GRIP1: variants seen among roughly 807,000 people sequenced by gnomAD.
GRIP1 encodes the protein glutamate receptor interacting protein 1.
A neutral mutation model predicts 129.9 loss-of-function variants in GRIP1; 45 were observed. That is an observed-to-expected ratio of 0.35 (90% confidence interval 0.27 to 0.44). The LOEUF is 0.44. Ranked by LOEUF, GRIP1 falls within the 20% of genes least tolerant of loss-of-function variation. The pLI, the probability that GRIP1 is intolerant of heterozygous loss-of-function variation, is 1.00. For missense variants in GRIP1, 1,196 were observed against 1,396.8 expected, an observed-to-expected ratio of 0.86 and a Z score of 2.29; for synonymous variants, 530 against 520.8, an observed-to-expected ratio of 1.02 and a Z score of -0.24.
At chr12:66,472,170 T>G (rs1461640126) in intron 7 of GRIP1, among the ~76,000 whole-genome samples, 1 of 152,340 alleles carries the variant, frequency 6.6e-6, no homozygotes. Flanking sequence ...GTCCACCTCA[T>G]AGTCCCATGG....
chr12:66,539,721 G>A (rs1319516078), intron 3 of GRIP1, among the ~76,000 whole-genome samples: 1 of 151,870 alleles, frequency 6.6e-6, no homozygotes, highest in Admixed American at 6.6e-5. Context: ...GTTTGTCCAG[G>A]ACTAAGGAAA....
chr12:66,705,472 C>T (rs1400088232), intron 1 of GRIP1, among the ~76,000 whole-genome samples: 2 of 152,088 alleles, frequency 1.3e-5, no homozygotes, highest in Non-Finnish European at 2.9e-5. Flanking sequence ...TGAAAATGGC[C>T]ATACTGCCCA....
At chr12:66,587,186 A>G (rs528597503) in intron 2 of GRIP1, among the ~76,000 whole-genome samples, 80 of 152,296 alleles carry the variant, frequency 5.3e-4, no homozygotes, top group African/African-American at 1.9e-3. Flanking sequence ...TTTATTTAAA[A>G]GCCAAGGTTT....
chr12:66,697,551 C>A (rs539714472), intron 1 of GRIP1, among the ~76,000 whole-genome samples: 79 of 152,186 alleles, frequency 5.2e-4, no homozygotes, highest in Non-Finnish European at 4.4e-4. Context: ...CAGCTCCAGA[C>A]TCACTTGGGG....
intron 3 of GRIP1, 95 bp downstream of exon 3, chr12:66,541,720 A>G (rs1357489177): frequency 1.3e-5 from 17 of 1,285,766 alleles, no homozygotes; most frequent in Non-Finnish European, 1.8e-5. Flanking sequence ...GGCAGCTGTC[A>G]TTTATTTATT....
intron 1 of GRIP1, among the ~76,000 whole-genome samples, chr12:66,779,430 G>C (rs1182774317): frequency 2.0e-5 from 3 of 152,082 alleles, no homozygotes; most frequent in African/African-American, 4.8e-5. Context: ...CATTTTATGG[G>C]GTAGATTTTA....
chr12:66,528,464 G>T (rs531178574), intron 5 of GRIP1, among the ~76,000 whole-genome samples: 2 of 152,124 alleles, frequency 1.3e-5, no homozygotes, highest in South Asian at 4.2e-4. Context: ...TGATAAGTTG[G>T]AGTCACCTGA....
chr12:66,934,540 A>G (rs1034661760), intron 1 of GRIP1, among the ~76,000 whole-genome samples: 1 of 152,226 alleles, frequency 6.6e-6, no homozygotes, highest in African/African-American at 2.4e-5. Flanking sequence ...TGCCCTTCAC[A>G]TGCCAAAGAC....
intron 1 of GRIP1, among the ~76,000 whole-genome samples, chr12:66,762,586 C>T (rs1336111939): frequency 6.6e-6 from 1 of 152,178 alleles, no homozygotes; most frequent in East Asian, 1.9e-4. Context: ...TAAACATCTG[C>T]TTAAATCCTT....
intron 1 of GRIP1, among the ~76,000 whole-genome samples, chr12:66,768,460 T>C (rs2037714528): frequency 6.6e-6 from 1 of 152,130 alleles, no homozygotes; most frequent in Non-Finnish European, 1.5e-5. Context: ...AAGACTAGAA[T>C]TGCCAATACA....
At chr12:66,828,881 C>T (rs1204502404) in intron 1 of GRIP1, among the ~76,000 whole-genome samples, 1 of 152,102 alleles carries the variant, frequency 6.6e-6, no homozygotes, top group Non-Finnish European at 1.5e-5. Context: ...TCCTGTAATG[C>T]CTCATAAGTG....
At chr12:66,569,084 T>G (rs1205569168) in intron 2 of GRIP1, 1 of 233,978 alleles carries the variant, frequency 4.3e-6, no homozygotes, top group Non-Finnish European at 8.5e-6. Context: ...ACCATGCTAT[T>G]TGCTTCTCTT....
intron 1 of GRIP1, among the ~76,000 whole-genome samples, chr12:66,744,040 A>G (rs868151132): frequency 1.3e-4 from 20 of 152,158 alleles, no homozygotes; most frequent in Admixed American, 3.3e-4. Flanking sequence ...CTTAATTAAA[A>G]TATTATCTTC....
intron 1 of GRIP1, among the ~76,000 whole-genome samples, chr12:66,929,481 A>C (rs898264269): frequency 6.6e-6 from 1 of 152,232 alleles, no homozygotes; most frequent in African/African-American, 2.4e-5. Context: ...GTAAAGGAAC[A>C]GATCATTTCT....
chr12:66,616,551 C>G (rs2065045039), intron 1 of GRIP1, among the ~76,000 whole-genome samples: 1 of 152,120 alleles, frequency 6.6e-6, no homozygotes, highest in Non-Finnish European at 1.5e-5. Context: ...GCCCTCAACA[C>G]TCATGACAGG....
chr12:66,898,843 T>C (rs2040796404), intron 1 of GRIP1, among the ~76,000 whole-genome samples: 1 of 152,162 alleles, frequency 6.6e-6, no homozygotes. Flanking sequence ...GCCAAGTGCT[T>C]TGATGCCTAG....
intron 1 of GRIP1, among the ~76,000 whole-genome samples, chr12:66,817,174 G>GTATA (rs919788237): frequency 8.5e-5 from 12 of 141,604 alleles, no homozygotes; most frequent in Admixed American, 2.9e-4. Context: ...TTTCATCACA[G>GTATA]TATATATATA....
At chr12:66,753,593 C>T (rs2037196000) in intron 1 of GRIP1, among the ~76,000 whole-genome samples, 1 of 152,190 alleles carries the variant, frequency 6.6e-6, no homozygotes, top group Non-Finnish European at 1.5e-5. Context: ...CTTCATTTAT[C>T]TTTTCATCAT....
chr12:66,730,911 C>G (rs2036416610), intron 1 of GRIP1, among the ~76,000 whole-genome samples: 1 of 152,058 alleles, frequency 6.6e-6, no homozygotes, highest in Admixed American at 6.6e-5. Flanking sequence ...GGCATTCTAT[C>G]AATAGAATAT....
Sources: allele counts gnomAD v4.1 joint callset (sites outside exome capture counted in the v4.1 genomes callset), GRCh38; gene constraint gnomAD v4.1.1; transcripts MANE v1.5; gene names NCBI Gene and HGNC (gene_info 2026-07-23, HGNC 2026-07-21).